The following PAX3 variants were observed in gnomAD, a reference collection of about 807,000 sequenced individuals.
The protein encoded by PAX3 is paired box 3, also known as paired box protein Pax-3.
Under a neutral mutation model 51.6 loss-of-function variants are expected in PAX3, and 14 were observed. The observed-to-expected ratio is 0.27, with a 90% CI of 0.18 to 0.42. The LOEUF (loss-of-function observed/expected upper bound fraction) is 0.42. PAX3 is among the 10% of genes least tolerant of loss of function. The probability of loss-of-function intolerance (pLI) is 1.00; values close to 1 mark genes in which losing one functional copy is unlikely to be tolerated. For missense variants in PAX3, 540 were observed against 642.8 expected, an observed-to-expected ratio of 0.84 and a Z score of 1.73; for synonymous variants, 280 against 253.4, an observed-to-expected ratio of 1.11 and a Z score of -1.00.
intron 4 of PAX3, among the ~76,000 whole-genome samples, chr2:222,238,359 A>C (rs181515703): frequency 2.6e-5 from 4 of 152,330 alleles, no homozygotes; most frequent in Admixed American, 2.6e-4. Flanking sequence ...ATCTTGCCTC[A>C]ATTTTATAGG....
intron 4 of PAX3, among the ~76,000 whole-genome samples, chr2:222,286,562 T>C (rs1261300231): frequency 2.6e-5 from 4 of 152,258 alleles, no homozygotes; most frequent in Non-Finnish European, 5.9e-5. Context: ...GTGTTTTGTT[T>C]TGTTTTGTTT....
chr2:222,298,755 G>T lies in PAX3; in HGVS notation c.-140C>A. 1.3e-6 allele frequency: 1 copy of T among 795,404 alleles called. No individual in the cohort carries two copies. The highest frequency in any genetic ancestry group is 2.1e-6 in the Non-Finnish European group (1 of 477,080). The allele number at this position is 795,404 out of a possible 1,614,324, so 49.3% of individuals were successfully genotyped here. On this transcript the variant is annotated 5_prime_UTR_variant, in exon 1 of 9. Coordinates refer to ENST00000392070, the MANE Select transcript of PAX3 (RefSeq NM_181458.4). Reference sequence around the variant, plus strand: ...CGGCTGGAGAGAGAGGGAGGGACGCGGGGAGGGGGGCTGTCGGTTCCTAGT... The same window carrying T: ...CGGCTGGAGAGAGAGGGAGGGACGCTGGGAGGGGGGCTGTCGGTTCCTAGT...
At chr2:222,217,496 CAGA>C (rs1466362996) in intron 7 of PAX3, among the ~76,000 whole-genome samples, 1 of 152,044 alleles carries the variant, frequency 6.6e-6, no homozygotes, top group African/African-American at 2.4e-5. Context: ...CTTTGGCTGG[CAGA>C]AGGTGACAAT....
At chr2:222,273,318 C>T (rs1367408) in intron 4 of PAX3, among the ~76,000 whole-genome samples, 32,641 of 152,060 alleles carry the variant, frequency 0.21, 4,028 homozygotes, top group South Asian at 0.37. Flanking sequence ...ACATGATTTT[C>T]GGGCTTGTGT....
At chr2:222,278,038 T>A (rs1012288967) in intron 4 of PAX3, among the ~76,000 whole-genome samples, 1 of 151,824 alleles carries the variant, frequency 6.6e-6, no homozygotes, top group African/African-American at 2.4e-5. Flanking sequence ...CCGAAGACAA[T>A]TAGTCTTCTT....
chr2:222,254,208 C>A (rs1004761887), intron 4 of PAX3, among the ~76,000 whole-genome samples: 1 of 151,980 alleles, frequency 6.6e-6, no homozygotes, highest in Non-Finnish European at 1.5e-5. Context: ...AGATGGTTAA[C>A]CAGATAATAG....
Position 222,265,691 on chromosome 2 carries a change from G to GAAGGAAGGAAGGAAGA in PAX3, c.586+28475_586+28476insTCTTCCTTCCTTCCTT, listed in dbSNP as rs1553583540. On this transcript the variant is annotated intron_variant, in intron 4 of 8. Coordinates refer to ENST00000392070, the MANE Select transcript of PAX3 (RefSeq NM_181458.4). ...GGAAGGAAGGAAGGAAGGAAGGAAG[G>GAAGGAAGGAAGGAAGA]GAGAAAGATTGATTTTGATTTTTCC... 1.9e-3 allele frequency among the ~76,000 whole-genome samples: 270 copies of GAAGGAAGGAAGGAAGA among 142,134 alleles called. 2 individuals carry two copies. The highest frequency in any genetic ancestry group is 0.017 in the South Asian group (74 of 4,320). The allele number at this position is 142,134 out of a possible 152,430, so 93.2% of individuals were successfully genotyped here.
At chr2:222,296,444 C>A (rs1695298850) in intron 2 of PAX3, among the ~76,000 whole-genome samples, 2 of 152,096 alleles carry the variant, frequency 1.3e-5, no homozygotes, top group Admixed American at 1.3e-4. Context: ...CACCAAACTG[C>A]TTATTTTTTT....
chr2:222,295,441 T>G, intron 3 of PAX3, 87 bp downstream of exon 3: 2 of 1,465,430 alleles, frequency 1.4e-6, no homozygotes, highest in African/African-American at 1.4e-5. Context: ...CTGAGATCGA[T>G]AATTGGGGTG....
chr2:222,233,331 G>T (rs147606228), intron 4 of PAX3, among the ~76,000 whole-genome samples: 8 of 152,210 alleles, frequency 5.3e-5, no homozygotes, highest in Non-Finnish European at 8.8e-5. Flanking sequence ...AGGTACAGGG[G>T]CAAGAGAAGC....
intron 4 of PAX3, among the ~76,000 whole-genome samples, chr2:222,238,344 A>G (rs1391787163): frequency 1.3e-5 from 2 of 152,208 alleles, no homozygotes; most frequent in African/African-American, 4.8e-5. Flanking sequence ...ACTATTATAC[A>G]TGAAATCTTG....
At chr2:222,290,598 C>G (rs550436715) in intron 4 of PAX3, among the ~76,000 whole-genome samples, 45 of 152,342 alleles carry the variant, frequency 3.0e-4, no homozygotes, top group African/African-American at 8.2e-4. Flanking sequence ...GGAGCTGCCA[C>G]TTCAAAGCTG....
At chr2:222,293,762 G>A (rs779755467) in intron 4 of PAX3, 11 of 1,614,106 alleles carry the variant, frequency 6.8e-6, no homozygotes, top group Non-Finnish European at 9.3e-6. Context: ...CCTTTCCTGA[G>A]GGCATAAAAG....
chr2:222,216,723 CACAG>C (rs1458502517), intron 7 of PAX3, among the ~76,000 whole-genome samples: 3 of 149,136 alleles, frequency 2.0e-5, no homozygotes, highest in African/African-American at 5.0e-5. Context: ...CACACACACA[CACAG>C]AGAGAGAGAG....
Position 222,221,369 on chromosome 2 carries a change from G to A in PAX3, c.811C>T (p.Arg271Cys), listed in dbSNP as rs1380858784. The A allele has an allele frequency of 1.2e-6, 2 of 1,613,880 alleles. No individual in the cohort carries two copies. Among genetic ancestry groups the A allele is most frequent in the Non-Finnish European group, 1.7e-6 (2 of 1,179,808 alleles). The part of the protein sequence containing the change: ...ARVQVWFSNR[R>C]ARWRKQAGAN... ...CCAGCTTGCTTCCTCCATCTTGCAC[G>A]GCGGTTGCTAAACCAGACCTATGGA... is the stretch of plus-strand genomic sequence containing the variant. The change falls in exon 6 of 9, where the codon CGT becomes TGT. Residue 271 changes from arginine to cysteine, a missense_variant. Transcript: ENST00000392070.
Position 222,294,228 on chromosome 2 carries a change from C to G in PAX3, c.525G>C (p.Lys175Asn), listed in dbSNP as rs116473352. Residue 175 changes from lysine to asparagine, a missense_variant, in exon 4 of 9, where the codon AAG (lysine) becomes AAC (asparagine). Lys to Asn is a moderately conservative substitution (Grantham distance 94). Transcript: ENST00000392070. Reference protein sequence around the residue: ...GEEEEADLERKEAEESEKKAK... With the variant: ...GEEEEADLERNEAEESEKKAK... ...CCTTCTTCTCGCTTTCCTCTGCCTCCTTCCTCTCCAAGTCGGCCTCCTCCT... is the reference window on the plus strand; with the variant it reads ...CCTTCTTCTCGCTTTCCTCTGCCTCGTTCCTCTCCAAGTCGGCCTCCTCCT... 809 of 1,614,256 alleles carry G rather than the reference C, an allele frequency of 5.0e-4. 6 individuals are homozygous for G. In the African/African-American group the frequency reaches 8.8e-3, roughly 18 times the overall value.
intron 5 of PAX3, among the ~76,000 whole-genome samples, chr2:222,224,234 A>G (rs1270579174): frequency 6.6e-6 from 1 of 152,212 alleles, no homozygotes; most frequent in Non-Finnish European, 1.5e-5. Flanking sequence ...ATGAAGAGAA[A>G]TTGTTGTGAA....
At position 222,284,976 on chromosome 2, in the gene PAX3, G is replaced by A. The variant is rs1574747510; in HGVS notation, c.586+9191C>T. Among the ~76,000 whole-genome samples, 3 of 152,262 alleles carry A rather than the reference G, an allele frequency of 2.0e-5. No homozygotes were observed. The South Asian group carries it at 6.2e-4, about 32-fold the overall frequency. On this transcript the variant is annotated intron_variant, in intron 4 of 8. Coordinates refer to ENST00000392070, the MANE Select transcript of PAX3 (RefSeq NM_181458.4). ...AGACCACTTTCACCTTGGGTACTGT[G>A]TTTTTTATAAGGCAAGAAAGATCTG...
chr2:222,223,790 G>T (rs1376732870), intron 5 of PAX3, among the ~76,000 whole-genome samples: 1 of 152,182 alleles, frequency 6.6e-6, no homozygotes, highest in Non-Finnish European at 1.5e-5. Flanking sequence ...ACTATGCTCA[G>T]TTCCACTGGT....
Sources: gnomAD v4.1 joint callset for allele counts (sites outside exome capture counted in the v4.1 genomes callset) on GRCh38, gnomAD v4.1.1 for gene constraint, MANE v1.5 for transcripts, NCBI Gene and HGNC (gene_info 2026-07-23, HGNC 2026-07-21) for gene names.